Variants in DYNC1I1 observed in about 807,000 individuals in gnomAD.
DYNC1I1 encodes cytoplasmic dynein 1 intermediate chain 1.
DYNC1I1 carries 43 observed loss-of-function variants against 86.6 expected under a neutral mutation model. That is an observed-to-expected ratio of 0.50 (90% confidence interval 0.39 to 0.64). DYNC1I1 has a LOEUF of 0.64. Ranked by LOEUF, DYNC1I1 falls within the 30% of genes least tolerant of loss-of-function variation. DYNC1I1 has a pLI of 0.00. For missense variants in DYNC1I1, 604 were observed against 788.8 expected, an observed-to-expected ratio of 0.77 and a Z score of 2.81; for synonymous variants, 262 against 283.7, an observed-to-expected ratio of 0.92 and a Z score of 0.77.
intron 6 of DYNC1I1, among the ~76,000 whole-genome samples, chr7:95,891,968 AC>A (rs1790751348): frequency 1.9e-5 from 1 of 51,560 alleles, no homozygotes; most frequent in Admixed American, 2.5e-4. Context: ...TGTTTTTGTA[AC>A]TTTTTTTTTT....
chr7:96,026,101 A>G (rs913336299), intron 10 of DYNC1I1, among the ~76,000 whole-genome samples: 1 of 152,200 alleles, frequency 6.6e-6, no homozygotes, highest in African/African-American at 2.4e-5. Context: ...CAAGAAGCCG[A>G]CCAGCATTAT....
intron 5 of DYNC1I1, among the ~76,000 whole-genome samples, chr7:95,857,980 G>A (rs1340180000): frequency 6.6e-6 from 1 of 152,140 alleles, no homozygotes; most frequent in Non-Finnish European, 1.5e-5. Flanking sequence ...GTCCTGAGAG[G>A]GATACAATTC....
chr7:95,858,234 G>T (rs1244237133), intron 5 of DYNC1I1, among the ~76,000 whole-genome samples: 1 of 152,088 alleles, frequency 6.6e-6, no homozygotes, highest in Non-Finnish European at 1.5e-5. Context: ...TTTATTTCCA[G>T]GTCAATCACT....
intron 5 of DYNC1I1, among the ~76,000 whole-genome samples, chr7:95,838,626 G>A (rs1028438146): frequency 5.9e-5 from 9 of 152,090 alleles, no homozygotes; most frequent in Non-Finnish European, 1.0e-4. Context: ...ACTGCTCTAG[G>A]CAGTATGGAC....
chr7:96,047,502 G>A (rs1046076713), intron 14 of DYNC1I1, among the ~76,000 whole-genome samples: 4 of 152,194 alleles, frequency 2.6e-5, no homozygotes, highest in Non-Finnish European at 5.9e-5. Flanking sequence ...TTAAACACCA[G>A]AGATATCAAG....
chr7:96,073,245 G>A (rs936674462), intron 14 of DYNC1I1, among the ~76,000 whole-genome samples: 1 of 152,112 alleles, frequency 6.6e-6, no homozygotes, highest in Non-Finnish European at 1.5e-5. Flanking sequence ...CTCAGTCTTG[G>A]GGTGAAGGGT....
intron 1 of DYNC1I1, among the ~76,000 whole-genome samples, chr7:95,779,503 G>A (rs549795253): frequency 5.9e-5 from 9 of 152,310 alleles, no homozygotes; most frequent in African/African-American, 2.2e-4. Context: ...CAGCAATTAT[G>A]TCACTCTCTA....
At chr7:95,819,385 T>C (rs1795024088) in intron 4 of DYNC1I1, among the ~76,000 whole-genome samples, 1 of 152,034 alleles carries the variant, frequency 6.6e-6, no homozygotes. Context: ...GAAAGAAAAA[T>C]GTGTTCTGGG....
chr7:96,060,440 C>T (rs1470566079), intron 14 of DYNC1I1, among the ~76,000 whole-genome samples: 2 of 152,178 alleles, frequency 1.3e-5, no homozygotes, highest in African/African-American at 4.8e-5. Context: ...CTCATAGATA[C>T]CCCACAATCC....
Position 95,977,539 on chromosome 7 carries a change from A to G in DYNC1I1, c.518A>G (p.Glu173Gly), listed in dbSNP as rs370031174. Residue 173 changes from glutamate to glycine, a missense_variant, in exon 7 of 17, where the codon GAA becomes GGA. Coordinates refer to ENST00000447467, the MANE Select transcript of DYNC1I1 (RefSeq NM_001135556.2). Reference sequence around the variant, plus strand: ...GATGAGGAAGATGAGGAAATGGTGGAATCTAAAGTTGGCCAGGACTCAGAA... The same window carrying G: ...GATGAGGAAGATGAGGAAATGGTGGGATCTAAAGTTGGCCAGGACTCAGAA... ...EEDEEDEEMVESKVGQDSELE... is the reference protein window; with the variant it reads ...EEDEEDEEMVGSKVGQDSELE... 20 of 1,613,360 alleles carry G rather than the reference A, an allele frequency of 1.2e-5. No individual in the cohort carries two copies. The African/African-American group carries it at 2.0e-4, about 16-fold the overall frequency.
intron 10 of DYNC1I1, among the ~76,000 whole-genome samples, chr7:96,024,032 ACAGT>A (rs1371976285): frequency 6.6e-6 from 1 of 152,102 alleles, no homozygotes; most frequent in Non-Finnish European, 1.5e-5. Flanking sequence ...TGGAATATTG[ACAGT>A]CAGTCTTACC....
chr7:95,803,294 G>A (rs1253422797), intron 1 of DYNC1I1, among the ~76,000 whole-genome samples: 1 of 152,172 alleles, frequency 6.6e-6, no homozygotes, highest in African/African-American at 2.4e-5. Context: ...CCACAAATTT[G>A]AGCTATACGC....
intron 16 of DYNC1I1, among the ~76,000 whole-genome samples, chr7:96,085,366 T>G (rs1030480056): frequency 6.7e-6 from 1 of 148,702 alleles, no homozygotes; most frequent in Non-Finnish European, 1.5e-5. Flanking sequence ...TCCATCTCCC[T>G]TTTTTTTTTC....
chr7:96,100,778 C>T (rs1386306471), downstream of DYNC1I1, among the ~76,000 whole-genome samples: 35 of 151,798 alleles, frequency 2.3e-4, no homozygotes, highest in Admixed American at 2.3e-3. Flanking sequence ...AGCCTACATT[C>T]ACTAGAGTGA....
chr7:95,907,777 T>G lies in DYNC1I1; in HGVS notation c.490+37779T>G, dbSNP rs79132950. ...AGAATGAATGTCTCAATCAACTGTT[T>G]TTTTTTTTTTTGGTCTCAGAATATA... is the stretch of plus-strand genomic sequence containing the variant. On this transcript the variant is annotated intron_variant, in intron 6 of 16. Transcript: ENST00000447467. 5.3e-5 allele frequency among the ~76,000 whole-genome samples: 8 copies of G among 149,742 alleles called. No homozygotes were observed. In the East Asian group the frequency reaches 1.6e-3, roughly 30 times the overall value.
chr7:95,813,378 TAAAAA>T, intron 4 of DYNC1I1, 41 bp downstream of exon 4: 1 of 1,408,516 alleles, frequency 7.1e-7, no homozygotes, highest in Non-Finnish European at 9.5e-7. Context: ...GGGTGTCAAT[TAAAAA>T]AAAAAAAAAA....
chr7:96,067,580 C>T (rs1431843611), intron 14 of DYNC1I1, among the ~76,000 whole-genome samples: 2 of 151,988 alleles, frequency 1.3e-5, no homozygotes, highest in Non-Finnish European at 2.9e-5. Flanking sequence ...CCTTTTACCT[C>T]CACCTCTACC....
At chr7:96,009,503 G>T (rs945378780) in intron 10 of DYNC1I1, among the ~76,000 whole-genome samples, 1 of 152,170 alleles carries the variant, frequency 6.6e-6, no homozygotes, top group African/African-American at 2.4e-5. Context: ...CATGAAGAAG[G>T]AGACAAAAAT....
intron 6 of DYNC1I1, among the ~76,000 whole-genome samples, chr7:95,885,829 G>T (rs1303546822): frequency 2.0e-5 from 3 of 151,962 alleles, no homozygotes; most frequent in African/African-American, 7.3e-5. Flanking sequence ...TTTAGGTAGT[G>T]GTATCTTCCA....
Sources: gnomAD v4.1 joint callset for allele counts (sites outside exome capture counted in the v4.1 genomes callset) on GRCh38, gnomAD v4.1.1 for gene constraint, MANE v1.5 for transcripts, NCBI Gene and HGNC (gene_info 2026-07-23, HGNC 2026-07-21) for gene names.